Variants in CFDP1 observed in about 807,000 individuals in gnomAD.
CFDP1 encodes chromatin remodeling protein CFDP1, also known as heterochromatin-stabilizing protein CFDP1.
Under a neutral mutation model 40.1 loss-of-function variants are expected in CFDP1, and 31 were observed. The ratio of observed to expected loss-of-function variants is 0.77; its 90% CI spans 0.58 to 1.04. The LOEUF (loss-of-function observed/expected upper bound fraction) is 1.04. Ranked by LOEUF, CFDP1 falls within the 50% of genes least tolerant of loss-of-function variation. The probability of loss-of-function intolerance (pLI) is 0.00; values close to 1 mark genes in which losing one functional copy is unlikely to be tolerated. For missense variants in CFDP1, 423 were observed against 343.4 expected, an observed-to-expected ratio of 1.23 and a Z score of -1.83; for synonymous variants, 167 against 120.0, an observed-to-expected ratio of 1.39 and a Z score of -2.56.
intron 5 of CFDP1, among the ~76,000 whole-genome samples, chr16:75,355,379 A>C (rs1265512626): frequency 2.0e-5 from 3 of 152,228 alleles, no homozygotes; most frequent in Non-Finnish European, 4.4e-5. Flanking sequence ...AATCCTCTCA[A>C]ACCCTGCTAT....
chr16:75,427,402 C>A (rs968615543), intron 1 of CFDP1, among the ~76,000 whole-genome samples: 1 of 152,014 alleles, frequency 6.6e-6, no homozygotes, highest in Non-Finnish European at 1.5e-5. Context: ...AGGCATGCAC[C>A]ACCATGCCCG....
chr16:75,428,968 T>C (rs999904381), intron 1 of CFDP1, among the ~76,000 whole-genome samples: 1 of 151,692 alleles, frequency 6.6e-6, no homozygotes, highest in Middle Eastern at 3.4e-3. Flanking sequence ...AATACAAAAA[T>C]TAGCCAGGCG....
intron 6 of CFDP1, among the ~76,000 whole-genome samples, chr16:75,299,250 C>T (rs976227573): frequency 2.0e-5 from 3 of 152,182 alleles, no homozygotes; most frequent in African/African-American, 4.8e-5. Context: ...TGGATGGAAA[C>T]ATCATTCTGA....
intron 4 of CFDP1, among the ~76,000 whole-genome samples, chr16:75,405,860 A>C (rs2079093735): frequency 6.6e-6 from 1 of 151,172 alleles, no homozygotes; most frequent in Admixed American, 6.6e-5. Context: ...CAGGGACTGC[A>C]GTGAGCCAAG....
rs1365953217 is a variant in CFDP1, at chr16:75,293,857, A to G, written c.*95T>C. 3.0e-6 allele frequency: 3 copies of G among 995,534 alleles called. No individual in the cohort carries two copies. Among genetic ancestry groups the G allele is most frequent in the South Asian group, 1.5e-5 (1 of 67,596 alleles). 61.7% of individuals were successfully genotyped at this position (995,534 alleles called of 1,614,324 possible). ...AGAAAAAAAAAAGACCTTGCTGGGAAACAGATGATGAGAAACACTGTAAAA... is the reference window on the plus strand; with the variant it reads ...AGAAAAAAAAAAGACCTTGCTGGGAGACAGATGATGAGAAACACTGTAAAA... On this transcript the variant is annotated 3_prime_UTR_variant, in exon 7 of 7. Transcript: ENST00000283882.
chr16:75,380,487 G>A (rs530935310), intron 5 of CFDP1, among the ~76,000 whole-genome samples: 45 of 151,970 alleles, frequency 3.0e-4, no homozygotes, highest in African/African-American at 8.2e-4. Flanking sequence ...TGAGCTTACA[G>A]GCAGTAGAGA....
chr16:75,299,054 A>C (rs2078203846), intron 6 of CFDP1, among the ~76,000 whole-genome samples: 2 of 152,090 alleles, frequency 1.3e-5, no homozygotes, highest in African/African-American at 4.8e-5. Context: ...CTAGATGCCA[A>C]GCTGCTGCTG....
At chr16:75,410,977 G>A (rs938452880) in intron 4 of CFDP1, among the ~76,000 whole-genome samples, 1 of 151,176 alleles carries the variant, frequency 6.6e-6, no homozygotes, top group African/African-American at 2.4e-5. Context: ...CTAGCACTTT[G>A]GGAGGCCAAG....
intron 5 of CFDP1, among the ~76,000 whole-genome samples, chr16:75,360,295 G>C (rs1162251388): frequency 6.6e-6 from 1 of 152,144 alleles, no homozygotes; most frequent in Non-Finnish European, 1.5e-5. Context: ...GACCATTCTG[G>C]TATTTTCTAG....
At chr16:75,395,052 G>A (rs748718970) in intron 5 of CFDP1, 38 bp downstream of exon 5, 43 of 1,611,196 alleles carry the variant, frequency 2.7e-5, no homozygotes, top group East Asian at 8.9e-5. Flanking sequence ...CTTCTCCAAC[G>A]TGCCAAGTAC....
chr16:75,398,982 GGGAGGT>G (rs2079023642), intron 4 of CFDP1, among the ~76,000 whole-genome samples: 2 of 151,182 alleles, frequency 1.3e-5, no homozygotes, highest in Admixed American at 1.3e-4. Context: ...GTGGGAACCC[GGGAGGT>G]GGAGCTTGCA....
intron 1 of CFDP1, among the ~76,000 whole-genome samples, chr16:75,415,877 G>A (rs1288874179): frequency 6.6e-6 from 1 of 152,098 alleles, no homozygotes; most frequent in Admixed American, 6.6e-5. Flanking sequence ...TATTGAGACG[G>A]AGTCTTGCTC....
intron 5 of CFDP1, among the ~76,000 whole-genome samples, chr16:75,323,107 G>GT (rs1347761813): frequency 1.3e-5 from 2 of 151,184 alleles, no homozygotes; most frequent in Admixed American, 6.6e-5. Flanking sequence ...CTTTTTGACT[G>GT]TTTTTTAGTA....
intron 5 of CFDP1, among the ~76,000 whole-genome samples, chr16:75,374,346 T>C (rs975417935): frequency 2.6e-5 from 4 of 152,202 alleles, no homozygotes; most frequent in African/African-American, 9.7e-5. Context: ...TGTTAGTATA[T>C]GTATTTTTGT....
rs1597418632 is a variant in CFDP1, at chr16:75,433,466, C to A, written c.-114G>T. ...GCGGCGGCGACGGCAGCTAGGGCGG[C>A]CCCCGACAGCGCTTTGCACATGCGC... On this transcript the variant is annotated 5_prime_UTR_variant, in exon 1 of 7. Transcript: ENST00000283882. 46 of 947,224 alleles carry A rather than the reference C, an allele frequency of 4.9e-5. No individual in the cohort carries two copies. Among genetic ancestry groups the A allele is most frequent in the South Asian group, 4.6e-4 (32 of 70,196 alleles). 58.7% of individuals were successfully genotyped at this position (947,224 alleles called of 1,614,324 possible).
intron 5 of CFDP1, among the ~76,000 whole-genome samples, chr16:75,313,355 G>C (rs992729285): frequency 2.0e-5 from 3 of 152,026 alleles, no homozygotes; most frequent in African/African-American, 7.2e-5. Flanking sequence ...TTTTTGACAG[G>C]GTCTCGCTCT....
intron 5 of CFDP1, chr16:75,391,149 G>A (rs922866342): frequency 3.9e-5 from 6 of 152,170 alleles, no homozygotes; most frequent in African/African-American, 1.4e-4. Flanking sequence ...GTAGCAAAGA[G>A]TATTTTCTGA....
At chr16:75,365,570 A>G (rs1157254277) in intron 5 of CFDP1, among the ~76,000 whole-genome samples, 1 of 152,180 alleles carries the variant, frequency 6.6e-6, no homozygotes, top group Admixed American at 6.5e-5. Flanking sequence ...TAAGATACAC[A>G]GTCAGGCATA....
At chr16:75,376,392 C>A (rs2078796858) in intron 5 of CFDP1, among the ~76,000 whole-genome samples, 2 of 152,082 alleles carry the variant, frequency 1.3e-5, no homozygotes, top group East Asian at 1.9e-4. Context: ...TATATATGAA[C>A]AATTTATAAA....
Sources: gnomAD v4.1 joint callset for allele counts (sites outside exome capture counted in the v4.1 genomes callset) on GRCh38, gnomAD v4.1.1 for gene constraint, MANE v1.5 for transcripts, NCBI Gene and HGNC (gene_info 2026-07-23, HGNC 2026-07-21) for gene names.